The following RNF41 variants were observed in gnomAD, a reference collection of about 807,000 sequenced individuals.
The protein encoded by RNF41 is E3 ubiquitin-protein ligase NRDP1.
RNF41 carries 4 observed loss-of-function variants against 33.0 expected under a neutral mutation model. The observed-to-expected ratio is 0.12, with a 90% CI of 0.06 to 0.28. The LOEUF is 0.28. Among genes scored for constraint, RNF41 ranks in the 10% least tolerant of loss-of-function variants. RNF41 has a pLI of 1.00. For synonymous variants in RNF41, 164 were observed against 153.2 expected, an observed-to-expected ratio of 1.07 and a Z score of -0.52; for missense variants, 228 against 432.6, an observed-to-expected ratio of 0.53 and a Z score of 4.19.
Position 56,210,281 on chromosome 12 carries a change from A to T in RNF41, c.362+16T>A. 1 of 1,607,318 alleles carries T rather than the reference A, an allele frequency of 6.2e-7. No homozygotes were observed. On this transcript the variant is annotated intron_variant, in intron 4 of 6. Transcript: ENST00000345093. The stretch of plus-strand genomic sequence containing the variant: ...ATGGCCCTTATCCATGTGGGGCAGA[A>T]GGGAACAAATCTCACCCACAGCCCT...
chr12:56,212,568 G>A (rs1288656141), intron 3 of RNF41, among the ~76,000 whole-genome samples: 1 of 152,024 alleles, frequency 6.6e-6, no homozygotes, highest in Non-Finnish European at 1.5e-5. Context: ...CCAGGGTGAG[G>A]AGGGAACCTG....
intron 2 of RNF41, among the ~76,000 whole-genome samples, chr12:56,214,415 G>T (rs1380465080): frequency 6.6e-6 from 1 of 151,604 alleles, no homozygotes; most frequent in Non-Finnish European, 1.5e-5. Context: ...AGCTACTCGG[G>T]AGGCTGAGGC....
chr12:56,220,740 A>C (rs945074337), intron 1 of RNF41, among the ~76,000 whole-genome samples: 6 of 152,024 alleles, frequency 3.9e-5, no homozygotes, highest in Non-Finnish European at 5.9e-5. Flanking sequence ...CAAAAAAAAA[A>C]AAAAACAAGA....
chr12:56,219,112 TCTC>T (rs1360645763), intron 1 of RNF41, among the ~76,000 whole-genome samples: 1 of 151,474 alleles, frequency 6.6e-6, no homozygotes, highest in Non-Finnish European at 1.5e-5. Context: ...TTCAAACAAT[TCTC>T]CTGCCTCAGC....
intron 5 of RNF41, 131 bp from the exon 6 acceptor site, chr12:56,207,880 A>C: frequency 1.2e-6 from 1 of 805,752 alleles, no homozygotes; most frequent in Non-Finnish European, 2.2e-6. Flanking sequence ...GAAGACAGGG[A>C]TAAGACTGTC....
At position 56,205,269 on chromosome 12, in the gene RNF41, T is replaced by A. The variant is rs1399889570; in HGVS notation, c.*1178A>T. Reference sequence around the variant, plus strand: ...TATCCTTCACAGGAAGAGAGGAAGCTCCTCATTTCAGTTGGGGTTACAGAG... The same window carrying A: ...TATCCTTCACAGGAAGAGAGGAAGCACCTCATTTCAGTTGGGGTTACAGAG... On this transcript the variant is annotated 3_prime_UTR_variant, in exon 7 of 7. Coordinates refer to ENST00000345093, the MANE Select transcript of RNF41 (RefSeq NM_005785.4). The A allele has an allele frequency of 6.6e-6, 1 of 152,156 alleles. No homozygotes were observed. Among genetic ancestry groups the A allele is most frequent in the Non-Finnish European group, 1.5e-5 (1 of 68,046 alleles). The allele number at this position is 152,156 out of a possible 1,614,324, so 9.4% of individuals were successfully genotyped here. A position where few individuals can be genotyped will look rare whatever the true frequency, so the allele number is the denominator to read the frequency against.
intron 1 of RNF41, among the ~76,000 whole-genome samples, chr12:56,219,199 A>C (rs12425596): frequency 1.5e-5 from 2 of 136,872 alleles, no homozygotes; most frequent in Non-Finnish European, 3.1e-5. Context: ...TTATTTATTT[A>C]TTTTTTTTTT....
rs1878631241 is a variant in RNF41 at position 56,202,421 on chromosome 12, T to C, written c.*4026A>G. On this transcript the variant is annotated 3_prime_UTR_variant, in exon 7 of 7. Transcript: ENST00000345093. Reference sequence around the variant, plus strand: ...AGTTTAGAACAGGTTGGCAAATTTTTTTCTGTAAAAGACCAAGTATTTTAG... The same window carrying C: ...AGTTTAGAACAGGTTGGCAAATTTTCTTCTGTAAAAGACCAAGTATTTTAG... 6.6e-6 allele frequency: 1 copy of C among 152,164 alleles called. No individual in the cohort carries two copies. Among genetic ancestry groups the C allele is most frequent in the African/African-American group, 2.4e-5 (1 of 41,448 alleles). The allele number at this position is 152,164 out of a possible 1,614,324, so 9.4% of individuals were successfully genotyped here.
Position 56,205,731 on chromosome 12 carries a change from G to A in RNF41, c.*716C>T, listed in dbSNP as rs1868255572. 1 of 152,630 alleles carries A rather than the reference G, an allele frequency of 6.6e-6. No individual in the cohort carries two copies. Among genetic ancestry groups the A allele is most frequent in the Admixed American group, 6.5e-5 (1 of 15,270 alleles). The allele number at this position is 152,630 out of a possible 1,614,324, so 9.5% of individuals were successfully genotyped here. On this transcript the variant is annotated 3_prime_UTR_variant, in exon 7 of 7. Transcript: ENST00000345093. ...GCCAACCATATTTTAGCAAAAGCTA[G>A]GAGTAGCTTCTTGCTAAACACATCA...
intron 1 of RNF41, among the ~76,000 whole-genome samples, chr12:56,219,345 G>A (rs1869159467): frequency 6.6e-6 from 1 of 151,504 alleles, no homozygotes; most frequent in Admixed American, 6.6e-5. Context: ...GCGCCCGCCA[G>A]GACGCCCAGC....
At position 56,214,089 on chromosome 12, in the gene RNF41, A is replaced by G. The variant is rs1237921580; in HGVS notation, c.-23-19T>C. 7.5e-7 allele frequency: 1 copy of G among 1,332,942 alleles called. No individual in the cohort carries two copies. The highest frequency in any genetic ancestry group is 1.1e-6 in the Non-Finnish European group (1 of 923,464). 82.6% of individuals were successfully genotyped at this position (1,332,942 alleles called of 1,614,324 possible). A position where few individuals can be genotyped will look rare whatever the true frequency, so the allele number is the denominator to read the frequency against. On this transcript the variant is annotated intron_variant, in intron 2 of 6. Coordinates refer to ENST00000345093, the MANE Select transcript of RNF41 (RefSeq NM_005785.4). ...CCAGGTCCTGAAAGGACAACAGGAA[A>G]AAGAGGCCAGTTCAGAAGAAGCCTA...
At chr12:56,213,921 C>G in intron 3 of RNF41, 37 bp downstream of exon 3, 1 of 1,331,856 alleles carries the variant, frequency 7.5e-7, no homozygotes, top group East Asian at 2.3e-5. Context: ...CCACTGCTAC[C>G]TGTTGCCCCA....
chr12:56,208,037 T>C, intron 5 of RNF41, 126 bp downstream of exon 5: 2 of 1,158,616 alleles, frequency 1.7e-6, no homozygotes, highest in South Asian at 2.7e-5. Context: ...ACAGGCAGAA[T>C]ATCCACTCAT....
At chr12:56,211,146 C>T (rs1048584902) in intron 3 of RNF41, among the ~76,000 whole-genome samples, 26 of 152,004 alleles carry the variant, frequency 1.7e-4, no homozygotes, top group African/African-American at 6.0e-4. Context: ...GATCACACCA[C>T]TGCACTCTAG....
At chr12:56,207,537 C>A in intron 6 of RNF41, 109 bp downstream of exon 6, 1 of 888,392 alleles carries the variant, frequency 1.1e-6, no homozygotes, top group Non-Finnish European at 1.9e-6. Context: ...GAAGCAGTGA[C>A]CCCCAGCCCA....
chr12:56,218,949 G>A (rs888003021), intron 1 of RNF41, among the ~76,000 whole-genome samples: 16 of 150,044 alleles, frequency 1.1e-4, no homozygotes, highest in African/African-American at 2.9e-4. Flanking sequence ...TGATCCGCCC[G>A]CCTCGGCCTC....
chr12:56,214,957 C>G (rs1868764457), intron 2 of RNF41, among the ~76,000 whole-genome samples: 2 of 152,116 alleles, frequency 1.3e-5, no homozygotes, highest in Admixed American at 1.3e-4. Flanking sequence ...ACATGAATAC[C>G]TAACCCAGGC....
In RNF41 at chr12:56,205,136, G is replaced by A. The variant is rs759345615; in HGVS notation, c.*1311C>T. The stretch of plus-strand genomic sequence containing the variant: ...GCTCCAAGGAAACTTGGGGAAGGGG[G>A]AGTTGCCTTCAAAATGAATACTCTA... On this transcript the variant is annotated 3_prime_UTR_variant, in exon 7 of 7. Transcript: ENST00000345093. The A allele has an allele frequency of 6.6e-5, 10 of 152,222 alleles. No homozygotes were observed. The highest frequency in any genetic ancestry group is 1.2e-4 in the Non-Finnish European group (8 of 68,060). 9.4% of individuals were successfully genotyped at this position (152,222 alleles called of 1,614,324 possible).
chr12:56,219,765 A>G (rs892612768), intron 1 of RNF41, among the ~76,000 whole-genome samples: 1 of 151,732 alleles, frequency 6.6e-6, no homozygotes, highest in African/African-American at 2.4e-5. Flanking sequence ...CCGTAATCCC[A>G]GCACTTTGGG....
Sources: gnomAD v4.1 joint callset for allele counts (sites outside exome capture counted in the v4.1 genomes callset) on GRCh38, gnomAD v4.1.1 for gene constraint, MANE v1.5 for transcripts, NCBI Gene and HGNC (gene_info 2026-07-23, HGNC 2026-07-21) for gene names.